The following PTPRB variants were observed in gnomAD, a reference collection of about 807,000 sequenced individuals.
The protein encoded by PTPRB is protein tyrosine phosphatase receptor type B, also known as receptor-type tyrosine-protein phosphatase beta.
PTPRB carries 97 observed loss-of-function variants against 238.1 expected under a neutral mutation model. That is an observed-to-expected ratio of 0.41 (90% confidence interval 0.35 to 0.48). PTPRB has a LOEUF of 0.48. Among genes scored for constraint, PTPRB ranks in the 20% least tolerant of loss-of-function variants. The pLI, the probability that PTPRB is intolerant of heterozygous loss-of-function variation, is 0.30. For synonymous variants in PTPRB, 970 were observed against 995.4 expected, an observed-to-expected ratio of 0.97 and a Z score of 0.48; for missense variants, 2,292 against 2,681.9, an observed-to-expected ratio of 0.85 and a Z score of 3.21.
rs576757524 is a variant in PTPRB at position 70,601,878 on chromosome 12, G to T, written c.980-5551C>A. Among the ~76,000 whole-genome samples the T allele has an allele frequency of 3.5e-5, 5 of 143,318 alleles. No homozygotes were observed. The East Asian group carries it at 8.4e-4, about 24-fold the overall frequency. 94.0% of individuals were successfully genotyped at this position (143,318 alleles called of 152,430 possible). A position where few individuals can be genotyped will look rare whatever the true frequency, so the allele number is the denominator to read the frequency against. On this transcript the variant is annotated intron_variant, in intron 4 of 33. Transcript: ENST00000334414. ...ATGATCTTGGCTCACTGCAAGCTCC[G>T]CCTCCCAGGTCCTGCCATTCCCCTG... is the stretch of plus-strand genomic sequence containing the variant.
chr12:70,633,789 T>C (rs1196422852), intron 2 of PTPRB, among the ~76,000 whole-genome samples: 1 of 152,166 alleles, frequency 6.6e-6, no homozygotes, highest in Non-Finnish European at 1.5e-5. Context: ...AGTTTTTCTA[T>C]GAATTATCTT....
At chr12:70,532,597 C>T (rs1433213134) in intron 31 of PTPRB, among the ~76,000 whole-genome samples, 1 of 151,808 alleles carries the variant, frequency 6.6e-6, no homozygotes, top group African/African-American at 2.4e-5. Flanking sequence ...TAGATCTTCT[C>T]GTTTCTTCTT....
chr12:70,534,575 G>T lies in PTPRB; in HGVS notation c.6281C>A (p.Thr2094Asn), dbSNP rs1345894869. 1 of 1,613,094 alleles carries T rather than the reference G, an allele frequency of 6.2e-7. No homozygotes were observed. Among genetic ancestry groups the T allele is most frequent in the Non-Finnish European group, 8.5e-7 (1 of 1,179,602 alleles). Residue 2094 changes from threonine to asparagine, a missense_variant, in exon 31 of 34, where the codon ACC becomes AAC. Transcript: ENST00000334414. ...CACAAACTGGATCAGAGACTGGGTG[G>T]TTTCTGGGACTCCATGGTCTGGCCA... ...TVWPDHGVPE[T>N]TQSLIQFVRT...
At chr12:70,566,734 A>G in intron 14 of PTPRB, 30 bp from the exon 15 acceptor site, 1 of 1,601,582 alleles carries the variant, frequency 6.2e-7, no homozygotes, top group South Asian at 1.1e-5. Context: ...GCAACAAAAT[A>G]CAGATTTTAT....
At chr12:70,613,966 G>C (rs968168886) in intron 3 of PTPRB, among the ~76,000 whole-genome samples, 19 of 152,216 alleles carry the variant, frequency 1.2e-4, no homozygotes, top group African/African-American at 4.6e-4. Context: ...TGACAAAGAA[G>C]AAAAGATTCA....
chr12:70,532,811 A>T (rs529386685), intron 31 of PTPRB, among the ~76,000 whole-genome samples: 1 of 150,968 alleles, frequency 6.6e-6, no homozygotes, highest in East Asian at 1.9e-4. Flanking sequence ...CCAGCTAATT[A>T]AAAAAAAAGA....
In PTPRB at chr12:70,563,060, G is replaced by A. The variant is rs756654585; in HGVS notation, c.3952C>T (p.His1318Tyr). The A allele has an allele frequency of 6.2e-6, 10 of 1,613,712 alleles. No individual in the cohort carries two copies. The South Asian group carries it at 6.6e-5, about 11-fold the overall frequency. The change falls in exon 16 of 34, where the codon CAC becomes TAC. Residue 1318 changes from histidine (H) to tyrosine (Y), a missense_variant. By Grantham distance (83) the His-to-Tyr change is moderately conservative. This residue lies in a region of PTPRB where 683 missense variants were observed against 862.0 expected (regional missense o/e 0.79). Coordinates refer to ENST00000334414, the MANE Select transcript of PTPRB (RefSeq NM_001109754.4). ...DLRITENSTR[H>Y]LSFRWTASEG... is the part of the protein sequence containing the mutation. ...GAGGCGGTCCAGCGGAAGGACAGGT[G>A]CCTGGTGGAGTTCTCTGTGATCCTC...
intron 3 of PTPRB, among the ~76,000 whole-genome samples, chr12:70,613,242 AC>A (rs1340149136): frequency 6.6e-6 from 1 of 151,326 alleles, no homozygotes; most frequent in Non-Finnish European, 1.5e-5. Context: ...CATGGTCCTT[AC>A]CCCGGCCCCT....
chr12:70,636,047 A>G lies in PTPRB; in HGVS notation c.75T>C (p.His25=), dbSNP rs746811814. 2 of 1,612,606 alleles carry G rather than the reference A, an allele frequency of 1.2e-6. No individual in the cohort carries two copies. The highest frequency in any genetic ancestry group is 1.7e-6 in the Non-Finnish European group (2 of 1,179,152). The change falls in exon 2 of 34, where the codon CAT becomes CAC. Residue 25 remains histidine, a synonymous_variant. Transcript: ENST00000334414. ...TGAAAAGACACTGTTGTTTCTGGACATGGACAATCTGAAACCCTTCTGGAA... is the reference window on the plus strand; with the variant it reads ...TGAAAAGACACTGTTGTTTCTGGACGTGGACAATCTGAAACCCTTCTGGAA... ...FRNSEGFQIV[H]VQKQQCLFKN...
At position 70,592,361 on chromosome 12, in the gene PTPRB, G is replaced by A. The variant is rs762603921; in HGVS notation, c.1701C>T (p.Val567=). 136 of 1,613,816 alleles carry A rather than the reference G, an allele frequency of 8.4e-5. 1 individual carries two copies. Among genetic ancestry groups the A allele is most frequent in the Middle Eastern group, 3.3e-4 (2 of 6,084 alleles). The change falls in exon 7 of 34, where the codon GTC becomes GTT. Residue 567 remains valine (V), a synonymous_variant. Transcript: ENST00000334414. The stretch of plus-strand genomic sequence containing the variant: ...CAGTAACTTGATAAAGTCGACCGGG[G>A]ACTAACTCTTTAAAGTGAGTTTCAG... ...WITETHFKEL[V]PGRLYQVTVS... is the part of the protein sequence containing the mutation.
intron 21 of PTPRB, among the ~76,000 whole-genome samples, chr12:70,547,489 A>G (rs1876162827): frequency 6.7e-6 from 1 of 149,736 alleles, no homozygotes; most frequent in Non-Finnish European, 1.5e-5. Context: ...GTGTGGAAAT[A>G]CTTTTTTTCT....
At chr12:70,548,358 A>T (rs868029924) in intron 21 of PTPRB, among the ~76,000 whole-genome samples, 18,581 of 141,694 alleles carry the variant, frequency 0.13, 1,291 homozygotes, top group South Asian at 0.17. Flanking sequence ...ACACACACAC[A>T]CACACACACA....
At chr12:70,625,751 T>C (rs944531188) in intron 2 of PTPRB, among the ~76,000 whole-genome samples, 1 of 152,186 alleles carries the variant, frequency 6.6e-6, no homozygotes, top group African/African-American at 2.4e-5. Context: ...GAACAATATG[T>C]GAAAGCTATT....
At chr12:70,562,330 T>C (rs1878599905) in intron 16 of PTPRB, among the ~76,000 whole-genome samples, 1 of 152,070 alleles carries the variant, frequency 6.6e-6, no homozygotes, top group Non-Finnish European at 1.5e-5. Flanking sequence ...ACTCAAATTA[T>C]GGGAAAAGGG....
intron 21 of PTPRB, among the ~76,000 whole-genome samples, chr12:70,548,450 T>A (rs1876412826): frequency 6.6e-6 from 1 of 151,084 alleles, no homozygotes; most frequent in Non-Finnish European, 1.5e-5. Context: ...TGAAGTCTAG[T>A]TCTCACTCTT....
intron 20 of PTPRB, among the ~76,000 whole-genome samples, chr12:70,554,325 C>T (rs551779652): frequency 1.0e-3 from 153 of 152,288 alleles, no homozygotes; most frequent in African/African-American, 3.6e-3. Context: ...GCACCTTAAA[C>T]AGTATAAAAA....
Position 70,532,012 on chromosome 12 carries a change from AACTTTCAGTC to A in PTPRB, c.6504+13_6504+22del. ...TACAGTGGGGAGGAGGGTGGCCTGTAACTTTCAGTCTATAACTCTTACCTCAGTCTGGACC... is the reference window on the plus strand; with the variant it reads ...TACAGTGGGGAGGAGGGTGGCCTGTATATAACTCTTACCTCAGTCTGGACC... On this transcript the variant is annotated intron_variant, in intron 32 of 33. Transcript: ENST00000334414. 1 of 1,613,880 alleles carries A rather than the reference AACTTTCAGTC, an allele frequency of 6.2e-7. No homozygotes were observed. Among genetic ancestry groups the A allele is most frequent in the Non-Finnish European group, 8.5e-7 (1 of 1,179,824 alleles).
intron 32 of PTPRB, among the ~76,000 whole-genome samples, chr12:70,526,545 C>T (rs985232669): frequency 1.3e-5 from 2 of 152,118 alleles, no homozygotes; most frequent in Admixed American, 6.5e-5. Flanking sequence ...AGAAGTGAGG[C>T]CTGCAATAAT....
At position 70,555,206 on chromosome 12, in the gene PTPRB, G is replaced by C. The variant is rs17108335; in HGVS notation, c.5097C>G (p.Thr1699=). 6,066 of 1,613,860 alleles carry C rather than the reference G, an allele frequency of 3.8e-3. 210 individuals are homozygous for C. In the African/African-American group the frequency reaches 0.071, roughly 19 times the overall value. Residue 1699 remains threonine, a synonymous_variant, in exon 20 of 34, where the codon ACC becomes ACG. Coordinates refer to ENST00000334414, the MANE Select transcript of PTPRB (RefSeq NM_001109754.4). The stretch of plus-strand genomic sequence containing the variant: ...CTGTGAAGTATTTCACAGCTCCATT[G>C]GTGTCGCTGAACCAGCTGCAGTTGA... ...FTVNCSWFSD[T]NGAVKYFTVV... is the part of the protein sequence containing the mutation.
Sources: gnomAD v4.1 joint callset for allele counts (sites outside exome capture counted in the v4.1 genomes callset) on GRCh38, gnomAD v4.1.1 for gene constraint, gnomAD v4.1.1 regional missense constraint, MANE v1.5 for transcripts, NCBI Gene and HGNC (gene_info 2026-07-23, HGNC 2026-07-21) for gene names.